The following UBR3 variants were observed in gnomAD, a reference collection of about 807,000 sequenced individuals.
The protein encoded by UBR3 is ubiquitin protein ligase E3 component n-recognin 3.
UBR3 carries 85 observed loss-of-function variants against 243.2 expected under a neutral mutation model. The ratio of observed to expected loss-of-function variants is 0.35; its 90% CI spans 0.29 to 0.42. The LOEUF (loss-of-function observed/expected upper bound fraction) is 0.42. Among genes scored for constraint, UBR3 ranks in the 10% least tolerant of loss-of-function variants. UBR3 has a pLI of 1.00. For synonymous variants in UBR3, 748 were observed against 799.8 expected, an observed-to-expected ratio of 0.94 and a Z score of 1.09; for missense variants, 1,686 against 2,300.8, an observed-to-expected ratio of 0.73 and a Z score of 5.47.
intron 1 of UBR3, among the ~76,000 whole-genome samples, chr2:169,870,434 T>C (rs2083398509): frequency 6.6e-6 from 1 of 152,056 alleles, no homozygotes; most frequent in Non-Finnish European, 1.5e-5. Flanking sequence ...CGGCCCATTG[T>C]GGTCCATTGA....
chr2:169,924,430 T>C (rs2105345838), intron 13 of UBR3, among the ~76,000 whole-genome samples: 1 of 152,310 alleles, frequency 6.6e-6, no homozygotes, highest in African/African-American at 2.4e-5. Flanking sequence ...TATAGCACTG[T>C]TTTGGGAGTC....
intron 5 of UBR3, among the ~76,000 whole-genome samples, chr2:169,890,516 G>A (rs1399393250): frequency 1.1e-5 from 1 of 93,370 alleles, no homozygotes; most frequent in Admixed American, 1.1e-4. Context: ...TTAGTGCGAG[G>A]TTTTTCTAGG....
Position 169,838,283 on chromosome 2 carries a change from A to G in UBR3, c.545+10231A>G, listed in dbSNP as rs572070751. On this transcript the variant is annotated intron_variant, in intron 1 of 38. Coordinates refer to ENST00000272793, the MANE Select transcript of UBR3 (RefSeq NM_172070.4). Reference sequence around the variant, plus strand: ...TTTATGGCAGAATACATAAATTGCCATCCATCTTAGTCTGTTTGTGCTGCT... The same window carrying G: ...TTTATGGCAGAATACATAAATTGCCGTCCATCTTAGTCTGTTTGTGCTGCT... Among the ~76,000 whole-genome samples, 35 of 152,342 alleles carry G rather than the reference A, an allele frequency of 2.3e-4. No individual in the cohort carries two copies. In the South Asian group the frequency reaches 7.0e-3, roughly 31 times the overall value.
At chr2:169,963,903 G>C (rs2087692643) in intron 24 of UBR3, among the ~76,000 whole-genome samples, 1 of 152,048 alleles carries the variant, frequency 6.6e-6, no homozygotes, top group African/African-American at 2.4e-5. Flanking sequence ...TTCTGTATTT[G>C]TTCTCTTGCT....
At position 169,827,640 on chromosome 2, in the gene UBR3, C is replaced by G. The variant is rs977039929; in HGVS notation, c.133C>G (p.Arg45Gly). The G allele has an allele frequency of 4.8e-6, 6 of 1,262,708 alleles. No individual in the cohort carries two copies. The highest frequency in any genetic ancestry group is 3.1e-5 in the African/African-American group (2 of 64,172). The allele number at this position is 1,262,708 out of a possible 1,614,324, so 78.2% of individuals were successfully genotyped here. Residue 45 changes from arginine to glycine, a missense_variant, in exon 1 of 39, where the codon CGC becomes GGC. Physicochemically the swap from Arg to Gly is moderately radical, Grantham distance 125 (BLOSUM62 -2). This residue lies in a region of UBR3 where 79 missense variants were observed against 73.2 expected (regional missense o/e 1.08). Transcript: ENST00000272793. ...LKAALSRPDN[R>G]AGAEELQALL... ...GGCGGCCCTCAGCCGGCCGGACAAC[C>G]GCGCAGGTGCTGAGGAGCTGCAGGC...
intron 1 of UBR3, among the ~76,000 whole-genome samples, chr2:169,829,459 T>C (rs1318917897): frequency 6.6e-6 from 1 of 150,872 alleles, no homozygotes; most frequent in Non-Finnish European, 1.5e-5. Context: ...GTTTCTCTCT[T>C]GTTGCCCAAG....
intron 24 of UBR3, among the ~76,000 whole-genome samples, chr2:169,972,315 A>G (rs930665037): frequency 7.2e-5 from 11 of 152,160 alleles, no homozygotes; most frequent in African/African-American, 2.7e-4. Flanking sequence ...ATGGATTCAC[A>G]GCCGAATTCT....
chr2:170,040,799 C>T (rs2105431672), intron 31 of UBR3, 83 bp from the exon 32 acceptor site: 10 of 1,015,534 alleles, frequency 9.8e-6, no homozygotes, highest in South Asian at 8.0e-5. Context: ...ATTTCTGTTC[C>T]ATAGATATAT....
At chr2:169,844,997 A>G in intron 1 of UBR3, among the ~76,000 whole-genome samples, 1 of 152,174 alleles carries the variant, frequency 6.6e-6, no homozygotes, top group Non-Finnish European at 1.5e-5. Context: ...ATAAGATATA[A>G]TGCAATAAAT....
intron 35 of UBR3, among the ~76,000 whole-genome samples, chr2:170,065,089 C>T (rs1441354313): frequency 8.6e-5 from 13 of 152,040 alleles, no homozygotes; most frequent in East Asian, 5.8e-4. Flanking sequence ...GCGATCTGCC[C>T]GCCTTGGCCT....
rs180836808 is a variant in UBR3, at chr2:169,905,520, C to G, written c.1645+227C>G. On this transcript the variant is annotated intron_variant, in intron 9 of 38. Transcript: ENST00000272793. ...AGAAACAGGAGTATAACTTTTTAAG[C>G]ATTTAAACAAATTTAACTTAATTTT... Among the ~76,000 whole-genome samples the G allele has an allele frequency of 1.4e-3, 208 of 152,192 alleles. 1 individual carries two copies. The highest frequency in any genetic ancestry group is 1.5e-3 in the Non-Finnish European group (101 of 68,002).
At chr2:169,871,743 C>CAAAAAAAA (rs562559554) in intron 1 of UBR3, among the ~76,000 whole-genome samples, 1 of 94,998 alleles carries the variant, frequency 1.1e-5, no homozygotes, top group Non-Finnish European at 2.3e-5. Flanking sequence ...CCAAGACTCT[C>CAAAAAAAA]AAAAAAAAAA....
Position 170,007,107 on chromosome 2 carries a change from C to T in UBR3, c.4147C>T (p.Pro1383Ser). Residue 1383 changes from proline to serine, a missense_variant, in exon 28 of 39, where the codon CCT becomes TCT. By Grantham distance (74) the Pro-to-Ser change is moderately conservative. Coordinates refer to ENST00000272793, the MANE Select transcript of UBR3 (RefSeq NM_172070.4). ...TCCTGGAAGCAATGTGGAAAATAAC[C>T]CTTGGCAACGTCCTAGCAACAAAAG... ...CYPGSNVENNPWQRPSNKSIQ... is the reference protein window; with the variant it reads ...CYPGSNVENNSWQRPSNKSIQ... 1.2e-6 allele frequency: 2 copies of T among 1,613,264 alleles called. No homozygotes were observed. The highest frequency in any genetic ancestry group is 1.3e-5 in the African/African-American group (1 of 74,734).
intron 1 of UBR3, among the ~76,000 whole-genome samples, chr2:169,834,474 C>T (rs1028249448): frequency 6.6e-6 from 1 of 152,176 alleles, no homozygotes; most frequent in Non-Finnish European, 1.5e-5. Context: ...GCAAATTCAA[C>T]TTTGATAGAA....
At position 170,078,123 on chromosome 2, in the gene UBR3, T is replaced by C. The variant is rs140089524; in HGVS notation, c.5200-1691T>C. On this transcript the variant is annotated intron_variant, in intron 36 of 38. Coordinates refer to ENST00000272793, the MANE Select transcript of UBR3 (RefSeq NM_172070.4). ...TTGATGGTCTTTTTCATTTGTATTT[T>C]CTCAGCATGGTGCTGTTTAAGATAA... 2.0e-4 allele frequency: 123 copies of C among 621,258 alleles called. No individual in the cohort carries two copies. The East Asian group carries it at 4.0e-3, about 20-fold the overall frequency. 38.5% of individuals were successfully genotyped at this position (621,258 alleles called of 1,614,324 possible).
chr2:169,829,792 G>A (rs1317652304), intron 1 of UBR3, among the ~76,000 whole-genome samples: 1 of 149,252 alleles, frequency 6.7e-6, no homozygotes, highest in Non-Finnish European at 1.5e-5. Context: ...TATTTGAATA[G>A]GTAAAATATA....
chr2:169,878,449 T>C (rs2083699646), intron 4 of UBR3, 76 bp from the exon 5 acceptor site: 2 of 1,389,910 alleles, frequency 1.4e-6, no homozygotes, highest in East Asian at 5.0e-5. Flanking sequence ...TTGATATTTG[T>C]ATTTCTCAGA....
chr2:169,987,238 T>A (rs761311871), intron 25 of UBR3, among the ~76,000 whole-genome samples: 14 of 151,456 alleles, frequency 9.2e-5, no homozygotes, highest in Non-Finnish European at 1.6e-4. Flanking sequence ...ACTAAAAATA[T>A]AAAATATTGG....
At chr2:170,077,602 T>C (rs1471034777) in intron 36 of UBR3, 2 of 507,460 alleles carry the variant, frequency 3.9e-6, no homozygotes, top group Non-Finnish European at 7.0e-6. Flanking sequence ...TGGAATAACT[T>C]TGAGACAGAG....
Sources: allele counts gnomAD v4.1 joint callset (sites outside exome capture counted in the v4.1 genomes callset), GRCh38; gene constraint gnomAD v4.1.1; regional missense constraint gnomAD v4.1.1; transcripts MANE v1.5; gene names NCBI Gene and HGNC (gene_info 2026-07-23, HGNC 2026-07-21).